Variants in FLT1 observed in about 807,000 individuals in gnomAD.
FLT1 encodes the protein vascular endothelial growth factor receptor 1.
Under a neutral mutation model 156.3 loss-of-function variants are expected in FLT1, and 49 were observed. The ratio of observed to expected loss-of-function variants is 0.31; its 90% CI spans 0.25 to 0.40. The LOEUF is 0.40. FLT1 is among the 10% of genes least tolerant of loss of function. The probability of loss-of-function intolerance (pLI) is 1.00; values close to 1 mark genes in which losing one functional copy is unlikely to be tolerated. For missense variants in FLT1, 1,322 were observed against 1,637.2 expected (o/e 0.81, Z 3.32); for synonymous variants, 594 against 583.8 (o/e 1.02, Z -0.25).
At chr13:28,364,884 C>A (rs1873233794) in intron 14 of FLT1, among the ~76,000 whole-genome samples, 1 of 152,034 alleles carries the variant, frequency 6.6e-6, no homozygotes, top group Admixed American at 6.6e-5. Context: ...TATGGCCTCA[C>A]CAGATAGTTT....
intron 10 of FLT1, among the ~76,000 whole-genome samples, chr13:28,416,990 G>C (rs1026920289): frequency 1.4e-4 from 21 of 152,272 alleles, no homozygotes; most frequent in African/African-American, 4.3e-4. Context: ...CAGGCATGGA[G>C]GGTAGAGTTT....
rs543257620 is a variant in FLT1 at position 28,359,669 on chromosome 13, G to A, written c.2117-1984C>T. Reference sequence around the variant, plus strand: ...AGGAGCCAATATCCAAAATATACAAGGAACTCAAACTACTCAATAACAAGG... The same window carrying A: ...AGGAGCCAATATCCAAAATATACAAAGAACTCAAACTACTCAATAACAAGG... On this transcript the variant is annotated intron_variant, in intron 14 of 29. Coordinates refer to ENST00000282397, the MANE Select transcript of FLT1 (RefSeq NM_002019.4). Among the ~76,000 whole-genome samples, 34 of 152,168 alleles carry A rather than the reference G, an allele frequency of 2.2e-4. No individual in the cohort carries two copies. In the South Asian group the frequency reaches 7.1e-3, roughly 32 times the overall value.
intron 1 of FLT1, among the ~76,000 whole-genome samples, chr13:28,488,363 G>A (rs547720207): frequency 1.1e-4 from 16 of 152,094 alleles, no homozygotes; most frequent in African/African-American, 1.4e-4. Flanking sequence ...TTGCACCACC[G>A]CACTCCAGCC....
intron 3 of FLT1, among the ~76,000 whole-genome samples, chr13:28,449,274 G>GA (rs966077759): frequency 3.3e-5 from 5 of 151,272 alleles, no homozygotes; most frequent in African/African-American, 9.7e-5. Context: ...CTGTCTCTAA[G>GA]AAAAAAAAAT....
At chr13:28,415,500 A>AATG (rs1367204731) in intron 10 of FLT1, among the ~76,000 whole-genome samples, 1 of 152,116 alleles carries the variant, frequency 6.6e-6, no homozygotes. Flanking sequence ...TAATAATAAT[A>AATG]ATAGCACCAT....
In FLT1 at chr13:28,319,474, T is replaced by C. The variant is rs1390141287; in HGVS notation, c.3235A>G (p.Lys1079Glu). ...ACTCCGTAAGACCACACGTCGCTCT[T>C]GGTGCTGTAGATTTTGTCAAAGATA... ...ESIFDKIYST[K>E]SDVWSYGVLL... is the part of the protein sequence containing the mutation. The change falls in exon 24 of 30, where the codon AAG becomes GAG. Residue 1079 changes from lysine (K) to glutamate (E), a missense_variant. Lys to Glu is a moderately conservative substitution (Grantham distance 56). Around this residue, in one of 3 missense-constraint regions of FLT1, gnomAD observed 329 missense variants for 366.2 expected, o/e 0.90. Transcript: ENST00000282397. 1 of 1,614,068 alleles carries C rather than the reference T, an allele frequency of 6.2e-7. No individual in the cohort carries two copies. The highest frequency in any genetic ancestry group is 2.2e-5 in the East Asian group (1 of 44,872).
At chr13:28,447,457 G>A (rs1210772247) in intron 3 of FLT1, among the ~76,000 whole-genome samples, 1 of 151,974 alleles carries the variant, frequency 6.6e-6, no homozygotes, top group African/African-American at 2.4e-5. Flanking sequence ...AAAGTGCTGG[G>A]ATTGCAGGCA....
At chr13:28,394,542 A>G (rs574381400) in intron 12 of FLT1, among the ~76,000 whole-genome samples, 2 of 152,316 alleles carry the variant, frequency 1.3e-5, no homozygotes, top group South Asian at 4.1e-4. Context: ...ACTCTGGGCT[A>G]GCCAGAGGTT....
intron 1 of FLT1, among the ~76,000 whole-genome samples, chr13:28,479,672 G>C (rs896529169): frequency 1.3e-5 from 2 of 152,120 alleles, no homozygotes; most frequent in Non-Finnish European, 2.9e-5. Context: ...ACTCATTTCG[G>C]CATGTGATAT....
chr13:28,463,813 T>A (rs944379624), intron 3 of FLT1, among the ~76,000 whole-genome samples: 2 of 152,116 alleles, frequency 1.3e-5, no homozygotes, highest in Non-Finnish European at 2.9e-5. Context: ...AATAAAATAA[T>A]GAGAGAGAGA....
intron 23 of FLT1, among the ~76,000 whole-genome samples, chr13:28,320,034 T>C (rs1022207662): frequency 6.6e-6 from 1 of 152,078 alleles, no homozygotes; most frequent in Non-Finnish European, 1.5e-5. Flanking sequence ...AGGAAAGAAG[T>C]CAGTGTTGAA....
At chr13:28,386,928 A>T in intron 13 of FLT1, 1 of 1,045,400 alleles carries the variant, frequency 9.6e-7, no homozygotes, top group Non-Finnish European at 1.2e-6. Context: ...TGATAAAATA[A>T]TCTATCACTG....
intron 25 of FLT1, among the ~76,000 whole-genome samples, chr13:28,312,803 C>T (rs77769030): frequency 0.021 from 3,268 of 152,144 alleles, 48 homozygotes; most frequent in Middle Eastern, 0.068. Context: ...ACTGCAAAGC[C>T]GCTGTTACAA....
At chr13:28,462,244 C>A (rs1344269654) in intron 3 of FLT1, among the ~76,000 whole-genome samples, 1 of 152,190 alleles carries the variant, frequency 6.6e-6, no homozygotes, top group East Asian at 1.9e-4. Flanking sequence ...GGTCAGTTTT[C>A]TTACTTTACA....
intron 3 of FLT1, among the ~76,000 whole-genome samples, chr13:28,448,787 G>A (rs1401461178): frequency 6.6e-6 from 1 of 152,136 alleles, no homozygotes; most frequent in Non-Finnish European, 1.5e-5. Flanking sequence ...TTAAAACAGA[G>A]GTTTAGTCTC....
Position 28,322,223 on chromosome 13 carries a change from C to T in FLT1, c.3051+39G>A, listed in dbSNP as rs751664358. On this transcript the variant is annotated intron_variant, in intron 22 of 29. Transcript: ENST00000282397. This position sits in a 1 kb window ranked among gnomAD's most constrained non-coding sequence, Gnocchi z 4.3. ...ATTTATAGCAAAGGTGTGTGTCCAG[C>T]CCTGGCAGAGAAGAAAAACAGTAAA... The T allele has an allele frequency of 8.4e-7, 1 of 1,195,690 alleles. No homozygotes were observed. The allele number at this position is 1,195,690 out of a possible 1,614,324, so 74.1% of individuals were successfully genotyped here.
At chr13:28,306,302 T>C (rs1337358790) in intron 29 of FLT1, among the ~76,000 whole-genome samples, 1 of 152,174 alleles carries the variant, frequency 6.6e-6, no homozygotes, top group African/African-American at 2.4e-5. Flanking sequence ...CTGTGTCTCC[T>C]CGTGTATGAA....
At chr13:28,319,755 T>A (rs1871364254) in intron 23 of FLT1, among the ~76,000 whole-genome samples, 1 of 152,224 alleles carries the variant, frequency 6.6e-6, no homozygotes, top group Non-Finnish European at 1.5e-5. Context: ...ATATGTTCAG[T>A]AAGCCCCTCT....
Position 28,401,859 on chromosome 13 carries a change from A to G in FLT1, c.1551+3921T>C, listed in dbSNP as rs547868466. The stretch of plus-strand genomic sequence containing the variant: ...TCAAGGTACACTCAGAAGGATTTCA[A>G]TGGAAATATTGCTAACACATTAAAA... On this transcript the variant is annotated intron_variant, in intron 11 of 29. Coordinates refer to ENST00000282397, the MANE Select transcript of FLT1 (RefSeq NM_002019.4). 1.7e-3 allele frequency among the ~76,000 whole-genome samples: 256 copies of G among 152,338 alleles called. 4 individuals are homozygous for G. The highest frequency in any genetic ancestry group is 0.015 in the South Asian group (72 of 4,826).
Sources: allele counts gnomAD v4.1 joint callset (sites outside exome capture counted in the v4.1 genomes callset), GRCh38; gene constraint gnomAD v4.1.1; regional missense constraint gnomAD v4.1.1; non-coding constraint Gnocchi (gnomAD v3.1); transcripts MANE v1.5; gene names NCBI Gene and HGNC (gene_info 2026-07-23, HGNC 2026-07-21).